Variants in ANKS1B observed in about 807,000 individuals in gnomAD.
The protein encoded by ANKS1B is ankyrin repeat and sterile alpha motif domain-containing protein 1B.
In ANKS1B, 36 loss-of-function variants were observed where a neutral mutation model predicts 148.3. The ratio of observed to expected loss-of-function variants is 0.24; its 90% CI spans 0.19 to 0.32. The LOEUF (loss-of-function observed/expected upper bound fraction) is 0.32. Ranked by LOEUF, ANKS1B falls within the 10% of genes least tolerant of loss-of-function variation. The pLI is 1.00. For missense variants in ANKS1B, 1,157 were observed against 1,542.6 expected (o/e 0.75, Z 4.19); for synonymous variants, 542 against 560.8 (o/e 0.97, Z 0.47).
chr12:98,944,522 A>C (rs1367836760), intron 17 of ANKS1B, among the ~76,000 whole-genome samples: 2 of 152,200 alleles, frequency 1.3e-5, no homozygotes, highest in South Asian at 2.1e-4. Flanking sequence ...CAAATGGAAG[A>C]ACACAGGGGC....
intron 12 of ANKS1B, among the ~76,000 whole-genome samples, chr12:99,267,761 T>C (rs1037410639): frequency 8.5e-5 from 13 of 152,136 alleles, no homozygotes; most frequent in African/African-American, 3.1e-4. Flanking sequence ...ATAAAATCTT[T>C]CCAGAAAAAG....
At chr12:99,066,029 G>C (rs1051428477) in intron 16 of ANKS1B, among the ~76,000 whole-genome samples, 13 of 152,030 alleles carry the variant, frequency 8.6e-5, no homozygotes, top group African/African-American at 3.1e-4. Flanking sequence ...TAAAGACAGT[G>C]GATTGGCTGG....
At chr12:99,454,299 A>G (rs943997474) in intron 10 of ANKS1B, among the ~76,000 whole-genome samples, 1 of 152,250 alleles carries the variant, frequency 6.6e-6, no homozygotes, top group Non-Finnish European at 1.5e-5. Context: ...TGAGGCTATG[A>G]TCAAATGCTA....
At chr12:99,261,538 T>TC (rs1317181948) in intron 12 of ANKS1B, among the ~76,000 whole-genome samples, 1 of 152,092 alleles carries the variant, frequency 6.6e-6, no homozygotes, top group East Asian at 1.9e-4. Flanking sequence ...ACCTGACTTC[T>TC]CCCCCACACT....
intron 15 of ANKS1B, among the ~76,000 whole-genome samples, chr12:99,143,219 T>C (rs2071624127): frequency 6.6e-6 from 1 of 152,116 alleles, no homozygotes; most frequent in South Asian, 2.1e-4. Context: ...AGTATAACAA[T>C]GTGAAATCTA....
intron 10 of ANKS1B, among the ~76,000 whole-genome samples, chr12:99,501,138 T>G (rs2096651539): frequency 1.3e-5 from 2 of 152,108 alleles, no homozygotes; most frequent in South Asian, 4.1e-4. Flanking sequence ...TTAGTTTCTA[T>G]TCCCAAAAAA....
chr12:99,323,381 T>C (rs1239417975), intron 12 of ANKS1B, among the ~76,000 whole-genome samples: 1 of 152,222 alleles, frequency 6.6e-6, no homozygotes, highest in Non-Finnish European at 1.5e-5. Flanking sequence ...ATCATTTTAC[T>C]ATCAAGAGTT....
At chr12:99,929,854 T>C (rs1287255066) in intron 1 of ANKS1B, among the ~76,000 whole-genome samples, 1 of 151,492 alleles carries the variant, frequency 6.6e-6, no homozygotes, top group African/African-American at 2.4e-5. Flanking sequence ...TCCATTGGTC[T>C]ATATCTCTGT....
At chr12:99,192,506 A>G (rs559014330) in intron 14 of ANKS1B, among the ~76,000 whole-genome samples, 5 of 152,198 alleles carry the variant, frequency 3.3e-5, no homozygotes, top group Admixed American at 1.3e-4. Flanking sequence ...TAAAAGTTAT[A>G]TTATTTACTC....
intron 8 of ANKS1B, among the ~76,000 whole-genome samples, chr12:99,655,883 C>T (rs1274069345): frequency 6.6e-6 from 1 of 152,032 alleles, no homozygotes; most frequent in African/African-American, 2.4e-5. Flanking sequence ...ATGGGTATTA[C>T]CTGACTTAGC....
intron 12 of ANKS1B, among the ~76,000 whole-genome samples, chr12:99,258,582 A>G (rs1032296544): frequency 1.3e-5 from 2 of 150,924 alleles, no homozygotes; most frequent in Non-Finnish European, 2.9e-5. Context: ...TGGGTTTTAG[A>G]AATATTAGGG....
intron 9 of ANKS1B, among the ~76,000 whole-genome samples, chr12:99,568,768 T>C (rs890327307): frequency 6.6e-6 from 1 of 152,138 alleles, no homozygotes; most frequent in African/African-American, 2.4e-5. Flanking sequence ...TCCTTGCAAT[T>C]GTCAAATAAG....
rs567279318 is a variant in ANKS1B at position 99,445,421 on chromosome 12, T to C, written c.1439-1612A>G. Among the ~76,000 whole-genome samples the C allele has an allele frequency of 6.6e-5, 10 of 152,122 alleles. 1 individual carries two copies. In the South Asian group the frequency reaches 2.1e-3, roughly 32 times the overall value. On this transcript the variant is annotated intron_variant, in intron 10 of 26. Coordinates refer to ENST00000683438, the MANE Select transcript of ANKS1B (RefSeq NM_001352186.2). ...AGTAAAACTATTATATTTAACAGTA[T>C]AATGGTGAGTATACATCATCATTAT...
intron 1 of ANKS1B, among the ~76,000 whole-genome samples, chr12:99,943,781 G>T (rs2094981140): frequency 6.6e-6 from 1 of 151,962 alleles, no homozygotes; most frequent in Non-Finnish European, 1.5e-5. Flanking sequence ...ACTGTTCATG[G>T]TTCTAAGCTT....
At chr12:99,392,208 C>T (rs1342549560) in intron 12 of ANKS1B, among the ~76,000 whole-genome samples, 3 of 152,226 alleles carry the variant, frequency 2.0e-5, no homozygotes, top group African/African-American at 4.8e-5. Context: ...TGTCCAGTGG[C>T]TGCTGTAATA....
chr12:99,765,118 T>C (rs999250656), intron 8 of ANKS1B, among the ~76,000 whole-genome samples: 14 of 152,156 alleles, frequency 9.2e-5, no homozygotes, highest in African/African-American at 2.9e-4. Context: ...TTGTAAGACA[T>C]TGGACATACA....
At position 99,902,630 on chromosome 12, in the gene ANKS1B, G is replaced by A. The variant is rs554636228; in HGVS notation, c.135-77241C>T. On this transcript the variant is annotated intron_variant, in intron 1 of 26. Coordinates refer to ENST00000683438, the MANE Select transcript of ANKS1B (RefSeq NM_001352186.2). ...ATCAGGGATGATTTCTAGGTTACTTGGGTTGAGCAGCTGTGTATATGGTGA... is the reference window on the plus strand; with the variant it reads ...ATCAGGGATGATTTCTAGGTTACTTAGGTTGAGCAGCTGTGTATATGGTGA... 5.3e-5 allele frequency among the ~76,000 whole-genome samples: 8 copies of A among 152,262 alleles called. No homozygotes were observed. The South Asian group carries it at 1.2e-3, about 24-fold the overall frequency.
chr12:99,830,802 T>C (rs904815282), intron 1 of ANKS1B, among the ~76,000 whole-genome samples: 3 of 152,188 alleles, frequency 2.0e-5, no homozygotes, highest in African/African-American at 7.2e-5. Context: ...TCCTACCCTC[T>C]TTTTCTCACA....
chr12:99,958,489 C>T (rs2095356782), intron 1 of ANKS1B, among the ~76,000 whole-genome samples: 1 of 152,012 alleles, frequency 6.6e-6, no homozygotes, highest in African/African-American at 2.4e-5. Context: ...CTCAAGTGAT[C>T]CTCCCACCTC....
Sources: allele counts gnomAD v4.1 joint callset (sites outside exome capture counted in the v4.1 genomes callset), GRCh38; gene constraint gnomAD v4.1.1; transcripts MANE v1.5; gene names NCBI Gene and HGNC (gene_info 2026-07-23, HGNC 2026-07-21).